The following ACTR3C variants were observed in gnomAD, a reference collection of about 807,000 sequenced individuals.
The protein encoded by ACTR3C is actin-related protein 3C.
In ACTR3C, 18 loss-of-function variants were observed where a neutral mutation model predicts 26.3. The observed-to-expected ratio is 0.68, with a 90% CI of 0.47 to 1.01. The LOEUF (loss-of-function observed/expected upper bound fraction) is 1.01. Among genes scored for constraint, ACTR3C ranks in the 50% least tolerant of loss-of-function variants. ACTR3C has a pLI of 0.00. For synonymous variants in ACTR3C, 55 were observed against 94.5 expected, an observed-to-expected ratio of 0.58 and a Z score of 2.42; for missense variants, 184 against 250.7, an observed-to-expected ratio of 0.73 and a Z score of 1.80.
chr7:150,040,984 C>A, the ACTR3C span, among the ~76,000 whole-genome samples: 1 of 150,332 alleles, frequency 6.7e-6, no homozygotes, highest in Non-Finnish European at 1.5e-5. Context: ...CGTCCTTTAG[C>A]AACCCTGTCT....
chr7:149,902,152 CACA>C, the ACTR3C span, among the ~76,000 whole-genome samples: 7 of 151,960 alleles, frequency 4.6e-5, no homozygotes, highest in Non-Finnish European at 7.4e-5. Context: ...AGTTGAGAGA[CACA>C]ACAATAGTAA....
the ACTR3C span, among the ~76,000 whole-genome samples, chr7:149,999,507 GA>G: frequency 6.6e-5 from 10 of 150,648 alleles, 1 homozygote; most frequent in African/African-American, 2.4e-4. Context: ...TCTTTCATGG[GA>G]TGGGCCAAAA....
At chr7:150,279,366 T>A (rs1432559570) in intron 6 of ACTR3C, among the ~76,000 whole-genome samples, 1 of 152,242 alleles carries the variant, frequency 6.6e-6, no homozygotes, top group Non-Finnish European at 1.5e-5. Context: ...CATGCTTCTC[T>A]AGTTTAAAAT....
At chr7:150,302,117 A>G (rs370050133) in intron 1 of ACTR3C, among the ~76,000 whole-genome samples, 2,363 of 152,354 alleles carry the variant, frequency 0.016, 34 homozygotes, top group Non-Finnish European at 0.023. Flanking sequence ...AAAAGAGCAC[A>G]GGGCATGAAC....
At chr7:150,318,511 C>T (rs374383671) in intron 1 of ACTR3C, among the ~76,000 whole-genome samples, 1 of 152,148 alleles carries the variant, frequency 6.6e-6, no homozygotes, top group Non-Finnish European at 1.5e-5. Flanking sequence ...CGCCTGTAAT[C>T]CCAGCACTTT....
chr7:150,170,328 T>A, the ACTR3C span, among the ~76,000 whole-genome samples: 1 of 150,730 alleles, frequency 6.6e-6, no homozygotes, highest in East Asian at 1.9e-4. Flanking sequence ...GAAGGTGGCA[T>A]CTCTTCAACT....
At position 150,316,483 on chromosome 7, in the gene ACTR3C, ATTT is replaced by A. The variant is rs35767189; in HGVS notation, c.-52+6983_-52+6985del. On this transcript the variant is annotated intron_variant, in intron 1 of 7. Coordinates refer to ENST00000683684, the MANE Select transcript of ACTR3C (RefSeq NM_001164458.2). ...TCCATCTGAACTTTAGAATCTGGTT[ATTT>A]TTTTTTTTTTTTTTTTTTTTGAGGC... Among the ~76,000 whole-genome samples, 399 of 80,526 alleles carry A rather than the reference ATTT, an allele frequency of 5.0e-3. 3 individuals are homozygous for A. The highest frequency in any genetic ancestry group is 0.011 in the Admixed American group (82 of 7,446). 52.8% of individuals were successfully genotyped at this position (80,526 alleles called of 152,430 possible).
At position 150,282,852 on chromosome 7, in the gene ACTR3C, G is replaced by A. The variant is rs1205516477; in HGVS notation, c.564+1901C>T. Reference sequence around the variant, plus strand: ...GATCACGCCACTGCACTCCAGCACGGGCAACAAAAAGAAGAATCCTCTTCC... The same window carrying A: ...GATCACGCCACTGCACTCCAGCACGAGCAACAAAAAGAAGAATCCTCTTCC... On this transcript the variant is annotated intron_variant, in intron 6 of 7. Coordinates refer to ENST00000683684, the MANE Select transcript of ACTR3C (RefSeq NM_001164458.2). Among the ~76,000 whole-genome samples the A allele has an allele frequency of 2.7e-5, 4 of 146,174 alleles. 1 individual carries two copies. The highest frequency in any genetic ancestry group is 1.1e-4 in the African/African-American group (4 of 36,424).
the ACTR3C span, among the ~76,000 whole-genome samples, chr7:149,907,478 T>TCTCTCTCTCTCTCTCTCTCTC: frequency 2.0e-4 from 20 of 97,680 alleles, no homozygotes; most frequent in Non-Finnish European, 1.3e-4. Flanking sequence ...CTCTCTTCTC[T>TCTCTCTCTCTCTCTCTCTCTC]TCTCTCTCTC....
chr7:150,070,605 C>A, the ACTR3C span, among the ~76,000 whole-genome samples: 1 of 152,042 alleles, frequency 6.6e-6, no homozygotes, highest in Non-Finnish European at 1.5e-5. Flanking sequence ...TGTGCGCCGC[C>A]ACGCCTGGCT....
chr7:150,043,922 G>A, the ACTR3C span, among the ~76,000 whole-genome samples: 1 of 152,174 alleles, frequency 6.6e-6, no homozygotes, highest in East Asian at 1.9e-4. Context: ...GGAAAACCAA[G>A]GTGGAGGAAA....
the ACTR3C span, among the ~76,000 whole-genome samples, chr7:150,119,216 G>T: frequency 1.3e-3 from 192 of 152,238 alleles, 1 homozygote; most frequent in Non-Finnish European, 2.2e-3. Flanking sequence ...CATAATGACA[G>T]GATCAAATTC....
chr7:150,021,832 G>A, the ACTR3C span, among the ~76,000 whole-genome samples: 1 of 151,702 alleles, frequency 6.6e-6, no homozygotes, highest in Non-Finnish European at 1.5e-5. Context: ...AGTATTCCAT[G>A]GTGTATATAT....
chr7:150,048,294 GGCCCCTCGC>G, the ACTR3C span, among the ~76,000 whole-genome samples: 2 of 150,208 alleles, frequency 1.3e-5, no homozygotes, highest in African/African-American at 4.9e-5. Context: ...CCCGCCCCCA[GGCCCCTCGC>G]GCAGCTCCTC....
the ACTR3C span, among the ~76,000 whole-genome samples, chr7:150,198,715 C>T: frequency 1.8e-4 from 26 of 146,998 alleles, no homozygotes; most frequent in African/African-American, 5.2e-4. Context: ...AAGTGAGGAG[C>T]GTCTCCGCCC....
the ACTR3C span, among the ~76,000 whole-genome samples, chr7:150,185,830 G>T: frequency 6.6e-6 from 1 of 152,150 alleles, no homozygotes; most frequent in African/African-American, 2.4e-5. Context: ...ACCACAACCA[G>T]CTGTTCCTTA....
chr7:150,147,013 A>C, the ACTR3C span, among the ~76,000 whole-genome samples: 21 of 152,204 alleles, frequency 1.4e-4, no homozygotes, highest in African/African-American at 5.1e-4. Context: ...TGTATCCTGC[A>C]TCTGTCTCCA....
chr7:150,127,633 CT>C, the ACTR3C span, among the ~76,000 whole-genome samples: 3 of 152,310 alleles, frequency 2.0e-5, no homozygotes, highest in African/African-American at 7.2e-5. Flanking sequence ...ATACCAACAA[CT>C]AGAAAGCAGA....
chr7:150,298,974 C>CTTTTT (rs550994860), intron 1 of ACTR3C, among the ~76,000 whole-genome samples: 20 of 82,516 alleles, frequency 2.4e-4, no homozygotes, highest in East Asian at 8.3e-4. Context: ...GTAATGAAAA[C>CTTTTT]TTTTTTTTTT....
Sources: gnomAD v4.1 joint callset for allele counts (sites outside exome capture counted in the v4.1 genomes callset) on GRCh38, gnomAD v4.1.1 for gene constraint, MANE v1.5 for transcripts, NCBI Gene and HGNC (gene_info 2026-07-23, HGNC 2026-07-21) for gene names.